The following RASGRP3 variants were observed in gnomAD, a reference collection of about 807,000 sequenced individuals.
The protein encoded by RASGRP3 is ras guanyl-releasing protein 3.
A neutral mutation model predicts 82.7 loss-of-function variants in RASGRP3; 54 were observed. The ratio of observed to expected loss-of-function variants is 0.65; its 90% CI spans 0.52 to 0.82. The LOEUF is 0.82. Ranked by LOEUF, RASGRP3 falls within the 40% of genes least tolerant of loss-of-function variation. RASGRP3 has a pLI of 0.00. For missense variants in RASGRP3, 861 were observed against 828.9 expected, an observed-to-expected ratio of 1.04 and a Z score of -0.48; for synonymous variants, 309 against 300.5, an observed-to-expected ratio of 1.03 and a Z score of -0.29.
At chr2:33,453,907 T>C (rs909465358) in intron 2 of RASGRP3, among the ~76,000 whole-genome samples, 1 of 152,216 alleles carries the variant, frequency 6.6e-6, no homozygotes. Context: ...GGGGTTTTTT[T>C]GGGTTAAACA....
intron 1 of RASGRP3, among the ~76,000 whole-genome samples, chr2:33,477,365 A>C (rs552140190): frequency 6.6e-6 from 1 of 152,134 alleles, no homozygotes; most frequent in Admixed American, 6.5e-5. Flanking sequence ...AAGCTAATTC[A>C]CCTTCATTAC....
At chr2:33,500,267 C>T (rs1380211887) in intron 1 of RASGRP3, among the ~76,000 whole-genome samples, 2 of 152,068 alleles carry the variant, frequency 1.3e-5, no homozygotes, top group Admixed American at 6.6e-5. Context: ...TGTAAGACCA[C>T]AGGGAACTGT....
intron 12 of RASGRP3, chr2:33,539,446 C>T: frequency 2.7e-6 from 1 of 376,246 alleles, no homozygotes; most frequent in Non-Finnish European, 4.8e-6. Context: ...CTTCCAGCTC[C>T]TCTCTTTCAC....
intron 2 of RASGRP3, among the ~76,000 whole-genome samples, chr2:33,513,467 A>T (rs1235205231): frequency 1.3e-5 from 2 of 152,228 alleles, no homozygotes; most frequent in Non-Finnish European, 2.9e-5. Flanking sequence ...CTCAATGCCT[A>T]ACCAAGTTCC....
chr2:33,490,953 C>A (rs1264264844), intron 1 of RASGRP3, among the ~76,000 whole-genome samples: 1 of 152,198 alleles, frequency 6.6e-6, no homozygotes, highest in African/African-American at 2.4e-5. Flanking sequence ...AAAACAGATA[C>A]ATTTTTTTCT....
At chr2:33,506,089 A>T (rs552188577) in intron 1 of RASGRP3, among the ~76,000 whole-genome samples, 3 of 152,330 alleles carry the variant, frequency 2.0e-5, no homozygotes, top group Admixed American at 1.3e-4. Context: ...AGGCCTTGTG[A>T]GATGAGCTCT....
In RASGRP3 at chr2:33,515,200, A is replaced by G; in HGVS notation, c.64A>G (p.Met22Val). ...LDELLCTCIE[M>V]FDDNGELDNS... ...TGAACTGCTGTGCACTTGCATTGAG[A>G]TGTTTGGTACGAGCCTTTTCTCCTT... The change falls in exon 3 of 18, where the codon ATG (methionine) becomes GTG (valine). Residue 22 changes from methionine (M) to valine (V), a missense_variant. Physicochemically the swap from Met to Val is conservative, Grantham distance 21 (BLOSUM62 1). Transcript: ENST00000403687. 1 of 1,613,856 alleles carries G rather than the reference A, an allele frequency of 6.2e-7. No individual in the cohort carries two copies. The highest frequency in any genetic ancestry group is 1.7e-5 in the Admixed American group (1 of 60,022).
intron 10 of RASGRP3, among the ~76,000 whole-genome samples, chr2:33,528,166 A>C (rs996374331): frequency 2.0e-5 from 3 of 152,210 alleles, no homozygotes; most frequent in Admixed American, 6.5e-5. Flanking sequence ...CCTTAACTAT[A>C]GGAGGTATCA....
chr2:33,528,900 A>T (rs1381516414), intron 10 of RASGRP3, among the ~76,000 whole-genome samples: 3 of 152,210 alleles, frequency 2.0e-5, no homozygotes, highest in East Asian at 3.9e-4. Flanking sequence ...ATGATTTGCC[A>T]TGTAAATCTG....
intron 2 of RASGRP3, among the ~76,000 whole-genome samples, chr2:33,467,418 G>A (rs1277742155): frequency 2.0e-5 from 3 of 152,120 alleles, no homozygotes; most frequent in Admixed American, 6.5e-5. Flanking sequence ...AACAAGAAGG[G>A]TAGAGAAATC....
At chr2:33,548,188 C>T (rs1266991063) in intron 13 of RASGRP3, among the ~76,000 whole-genome samples, 6 of 151,774 alleles carry the variant, frequency 4.0e-5, no homozygotes, top group African/African-American at 1.2e-4. Context: ...GGTGAAACCC[C>T]GTCTCTACTA....
At position 33,550,920 on chromosome 2, in the gene RASGRP3, G is replaced by T. The variant is rs554482642; in HGVS notation, c.1542+1169G>T. 2.0e-5 allele frequency among the ~76,000 whole-genome samples: 3 copies of T among 152,302 alleles called. No individual in the cohort carries two copies. The South Asian group carries it at 6.2e-4, about 32-fold the overall frequency. On this transcript the variant is annotated intron_variant, in intron 14 of 17. Transcript: ENST00000403687. ...TCATAGCAGCTGATGTGACACAGGG[G>T]AAAGCCAGTCTAACTAGCTCTCTTT...
At chr2:33,529,187 A>G (rs545851729) in intron 10 of RASGRP3, among the ~76,000 whole-genome samples, 6 of 152,296 alleles carry the variant, frequency 3.9e-5, no homozygotes, top group African/African-American at 7.2e-5. Context: ...ATATTGAAGG[A>G]TTTTCAATAA....
intron 1 of RASGRP3, among the ~76,000 whole-genome samples, chr2:33,496,542 GA>G (rs1250787646): frequency 6.6e-6 from 1 of 152,172 alleles, no homozygotes; most frequent in Non-Finnish European, 1.5e-5. Flanking sequence ...ATGACATGAG[GA>G]ATTTTCTAGT....
At chr2:33,478,098 C>A (rs927213728) in intron 1 of RASGRP3, among the ~76,000 whole-genome samples, 3 of 152,192 alleles carry the variant, frequency 2.0e-5, no homozygotes, top group Non-Finnish European at 4.4e-5. Flanking sequence ...GGGCACGGCA[C>A]TTCTGCGATC....
intron 1 of RASGRP3, among the ~76,000 whole-genome samples, chr2:33,506,892 A>G (rs1670430313): frequency 6.6e-6 from 1 of 152,220 alleles, no homozygotes; most frequent in Non-Finnish European, 1.5e-5. Flanking sequence ...CATTTCTTAT[A>G]TTCATACTAT....
chr2:33,554,372 C>A (rs1182992688), intron 14 of RASGRP3, among the ~76,000 whole-genome samples: 1 of 152,178 alleles, frequency 6.6e-6, no homozygotes, highest in Non-Finnish European at 1.5e-5. Context: ...TAGTTCTTCT[C>A]CAACTTGAGC....
At chr2:33,471,655 A>G (rs894417534), upstream of RASGRP3, among the ~76,000 whole-genome samples, 2 of 152,040 alleles carry the variant, frequency 1.3e-5, no homozygotes, top group African/African-American at 4.8e-5. Flanking sequence ...CTTGAAGCTC[A>G]GTTAGAACTT....
At chr2:33,449,532 G>T (rs1051644742) in intron 2 of RASGRP3, among the ~76,000 whole-genome samples, 1 of 152,100 alleles carries the variant, frequency 6.6e-6, no homozygotes, top group African/African-American at 2.4e-5. Context: ...GAGGCCGAGG[G>T]GGGCAGACCA....
Sources: allele counts gnomAD v4.1 joint callset (sites outside exome capture counted in the v4.1 genomes callset), GRCh38; gene constraint gnomAD v4.1.1; transcripts MANE v1.5; gene names NCBI Gene and HGNC (gene_info 2026-07-23, HGNC 2026-07-21).